SMCO3: variants seen among roughly 807,000 people sequenced by gnomAD.
SMCO3 encodes the protein single-pass membrane protein with coiled-coil domains 3, also known as single-pass membrane and coiled-coil domain-containing protein 3.
Under a neutral mutation model 12.0 loss-of-function variants are expected in SMCO3, and 6 were observed. The ratio of observed to expected loss-of-function variants is 0.50; its 90% CI spans 0.27 to 0.99. The LOEUF (loss-of-function observed/expected upper bound fraction) is 0.99. Ranked by LOEUF, SMCO3 falls within the 50% of genes least tolerant of loss-of-function variation. The pLI is 0.11. For synonymous variants in SMCO3, 96 were observed against 96.4 expected, an observed-to-expected ratio of 1.00 and a Z score of 0.02; for missense variants, 279 against 265.0, an observed-to-expected ratio of 1.05 and a Z score of -0.37.
Position 14,806,358 on chromosome 12 carries a change from T to A in SMCO3, c.323A>T (p.Asp108Val), listed in dbSNP as rs139378466. Residue 108 changes from aspartate to valine, a missense_variant, in exon 2 of 2, where the codon GAC becomes GTC. Coordinates refer to ENST00000316048, the MANE Select transcript of SMCO3 (RefSeq NM_001013698.2). ...AACCTTTTGCACTATTGCAATTTTGTCTGTTTCCTTTTCCTTAATATCCTG... is the reference window on the plus strand; with the variant it reads ...AACCTTTTGCACTATTGCAATTTTGACTGTTTCCTTTTCCTTAATATCCTG... ...KLQDIKEKETDKIAIVQKVIS... is the reference protein window; with the variant it reads ...KLQDIKEKETVKIAIVQKVIS... The A allele has an allele frequency of 2.4e-3, 3,927 of 1,614,228 alleles. 12 individuals are homozygous for A. Among genetic ancestry groups the A allele is most frequent in the Middle Eastern group, 2.8e-3 (17 of 6,062 alleles).
At chr12:14,808,602 A>C (rs188796011) in intron 1 of SMCO3, among the ~76,000 whole-genome samples, 4 of 152,318 alleles carry the variant, frequency 2.6e-5, no homozygotes, top group African/African-American at 9.6e-5. Flanking sequence ...AAAATAACCT[A>C]TCCTCCAAAT....
chr12:14,808,837 A>G (rs991377907), intron 1 of SMCO3, among the ~76,000 whole-genome samples: 4 of 152,234 alleles, frequency 2.6e-5, no homozygotes, highest in African/African-American at 7.2e-5. Flanking sequence ...CCACAAAACA[A>G]TACTTAGAAA....
intron 1 of SMCO3, among the ~76,000 whole-genome samples, chr12:14,812,654 TA>T (rs1273676436): frequency 6.6e-6 from 1 of 152,158 alleles, no homozygotes; most frequent in Non-Finnish European, 1.5e-5. Context: ...ATTAAATTTT[TA>T]TTACTTTTGA....
At position 14,806,227 on chromosome 12, in the gene SMCO3, A is replaced by G. The variant is rs773412526; in HGVS notation, c.454T>C (p.Leu152=). 6.2e-7 allele frequency: 1 copy of G among 1,614,228 alleles called. No homozygotes were observed. The highest frequency in any genetic ancestry group is 1.1e-5 in the South Asian group (1 of 91,092). The change falls in exon 2 of 2, where the codon TTA becomes CTA. Residue 152 remains leucine, a synonymous_variant. Coordinates refer to ENST00000316048, the MANE Select transcript of SMCO3 (RefSeq NM_001013698.2). The part of the protein sequence containing the change: ...TGIINKLVTV[L]AQIGASLLGS... ...AGGAGAGAAGCACCAATTTGAGCTAACACAGTGACCAACTTGTTAATTATG... is the reference window on the plus strand; with the variant it reads ...AGGAGAGAAGCACCAATTTGAGCTAGCACAGTGACCAACTTGTTAATTATG...
chr12:14,804,778 G>A lies in SMCO3; in HGVS notation c.*1225C>T, dbSNP rs574910238. The stretch of plus-strand genomic sequence containing the variant: ...GAGAAAGAGAAAACAGTGTATGTTG[G>A]AAATATTAAAGTCTTTCATGTAGCT... On this transcript the variant is annotated 3_prime_UTR_variant, in exon 2 of 2. Transcript: ENST00000316048. 2.0e-5 allele frequency: 3 copies of A among 152,340 alleles called. No homozygotes were observed. Among genetic ancestry groups the A allele is most frequent in the East Asian group, 1.9e-4 (1 of 5,184 alleles). The allele number at this position is 152,340 out of a possible 1,614,324, so 9.4% of individuals were successfully genotyped here. A position where few individuals can be genotyped will look rare whatever the true frequency, so the allele number is the denominator to read the frequency against.
chr12:14,809,094 CAGTT>C (rs1950098356), intron 1 of SMCO3, among the ~76,000 whole-genome samples: 1 of 152,126 alleles, frequency 6.6e-6, no homozygotes, highest in East Asian at 1.9e-4. Context: ...CCTTTTCAGA[CAGTT>C]AGGTGAGAGG....
chr12:14,809,066 G>T (rs575233036), intron 1 of SMCO3, among the ~76,000 whole-genome samples: 1 of 152,154 alleles, frequency 6.6e-6, no homozygotes, highest in African/African-American at 2.4e-5. Flanking sequence ...TGACTGACAG[G>T]AGAAAATTAG....
In SMCO3 at chr12:14,806,425, C is replaced by T. The variant is rs1206981939; in HGVS notation, c.256G>A (p.Ala86Thr). 3 of 1,614,196 alleles carry T rather than the reference C, an allele frequency of 1.9e-6. No individual in the cohort carries two copies. In the Admixed American group the frequency reaches 5.0e-5, roughly 27 times the overall value. The change falls in exon 2 of 2, where the codon GCA becomes ACA. Residue 86 changes from alanine (A) to threonine (T), a missense_variant. Coordinates refer to ENST00000316048, the MANE Select transcript of SMCO3 (RefSeq NM_001013698.2). ...GTTGGCTCTAGCTTATCTTTTAGTGCTTCATCAACCTTCTGCAATTCCTTT... is the reference window on the plus strand; with the variant it reads ...GTTGGCTCTAGCTTATCTTTTAGTGTTTCATCAACCTTCTGCAATTCCTTT... ...IQKELQKVDEALKDKLEPTLY... is the reference protein window; with the variant it reads ...IQKELQKVDETLKDKLEPTLY...
At chr12:14,812,457 AT>A (rs754013459) in intron 1 of SMCO3, among the ~76,000 whole-genome samples, 1 of 151,920 alleles carries the variant, frequency 6.6e-6, no homozygotes. Flanking sequence ...AAAAAAAAAA[AT>A]TTTATTGGTT....
chr12:14,811,001 A>C (rs953198388), intron 1 of SMCO3, among the ~76,000 whole-genome samples: 26 of 152,302 alleles, frequency 1.7e-4, no homozygotes, highest in African/African-American at 5.8e-4. Flanking sequence ...TACTTTCTCC[A>C]TCTTATTCCA....
chr12:14,808,534 A>ATTTC (rs1950089616), intron 1 of SMCO3, among the ~76,000 whole-genome samples: 1 of 152,148 alleles, frequency 6.6e-6, no homozygotes, highest in Non-Finnish European at 1.5e-5. Flanking sequence ...CTTAAGGGGA[A>ATTTC]CCTCAGAAGT....
chr12:14,812,077 C>T (rs1231609916), intron 1 of SMCO3, among the ~76,000 whole-genome samples: 2 of 152,196 alleles, frequency 1.3e-5, no homozygotes, highest in Non-Finnish European at 2.9e-5. Flanking sequence ...GCATAAGTAT[C>T]TTCACAAAGT....
intron 1 of SMCO3, among the ~76,000 whole-genome samples, chr12:14,811,771 T>G (rs146130019): frequency 6.6e-6 from 1 of 152,272 alleles, no homozygotes; most frequent in East Asian, 1.9e-4. Context: ...CAAATACAAC[T>G]CTTCAGGGTA....
intron 1 of SMCO3, among the ~76,000 whole-genome samples, chr12:14,812,313 G>A (rs766533824): frequency 5.9e-5 from 9 of 152,110 alleles, no homozygotes; most frequent in African/African-American, 1.7e-4. Flanking sequence ...GCGCGGTGGC[G>A]GGCGCCTGTA....
intron 1 of SMCO3, among the ~76,000 whole-genome samples, chr12:14,813,631 T>C (rs1950174074): frequency 6.6e-6 from 1 of 152,198 alleles, no homozygotes; most frequent in Admixed American, 6.5e-5. Context: ...TAACAGCCTG[T>C]TTGGAGACAC....
At chr12:14,813,401 T>A (rs1362715855) in intron 1 of SMCO3, among the ~76,000 whole-genome samples, 2 of 152,220 alleles carry the variant, frequency 1.3e-5, no homozygotes, top group Non-Finnish European at 2.9e-5. Context: ...GTTCTGAGTC[T>A]CCTTTAATTC....
chr12:14,812,261 G>A (rs868789915), intron 1 of SMCO3, among the ~76,000 whole-genome samples: 3 of 152,142 alleles, frequency 2.0e-5, no homozygotes, highest in Non-Finnish European at 2.9e-5. Flanking sequence ...TGGCTAACAC[G>A]GTGAAACCCC....
chr12:14,807,673 C>A (rs1950074547), intron 1 of SMCO3, among the ~76,000 whole-genome samples: 1 of 152,112 alleles, frequency 6.6e-6, no homozygotes, highest in African/African-American at 2.4e-5. Flanking sequence ...ATTCAAGACT[C>A]TTTGGATTAA....
At chr12:14,811,007 T>C (rs986368811) in intron 1 of SMCO3, among the ~76,000 whole-genome samples, 3 of 152,240 alleles carry the variant, frequency 2.0e-5, no homozygotes, top group East Asian at 3.8e-4. Context: ...CTCCATCTTA[T>C]TCCATTTTCA....
Sources: gnomAD v4.1 joint callset for allele counts (sites outside exome capture counted in the v4.1 genomes callset) on GRCh38, gnomAD v4.1.1 for gene constraint, MANE v1.5 for transcripts, NCBI Gene and HGNC (gene_info 2026-07-23, HGNC 2026-07-21) for gene names.